The following ARHGAP42 variants were observed in gnomAD, a reference collection of about 807,000 sequenced individuals.
ARHGAP42 encodes the protein Rho GTPase activating protein 42, also known as rho GTPase-activating protein 42.
In ARHGAP42, 63 loss-of-function variants were observed where a neutral mutation model predicts 125.0. That is an observed-to-expected ratio of 0.50 (90% CI 0.41 to 0.62). The LOEUF (loss-of-function observed/expected upper bound fraction) is 0.62, where lower values mean the gene tolerates loss of function less well. Ranked by LOEUF, ARHGAP42 falls within the 20% of genes least tolerant of loss-of-function variation. ARHGAP42 has a pLI of 0.00. For synonymous variants in ARHGAP42, 339 were observed against 351.0 expected (o/e 0.97, Z 0.38); for missense variants, 766 against 1,024.2 (o/e 0.75, Z 3.44).
rs1036598816 is a variant in ARHGAP42 at position 100,944,540 on chromosome 11, A to G, written c.1043+672A>G. ...TACCCTTTGTATATGATGACTTTCT[A>G]TATATGCTCATAAACTACAGCCTAT... On this transcript the variant is annotated intron_variant, in intron 10 of 23. Coordinates refer to ENST00000298815, the MANE Select transcript of ARHGAP42 (RefSeq NM_152432.4). Among the ~76,000 whole-genome samples the G allele has an allele frequency of 3.3e-5, 5 of 152,026 alleles. No individual in the cohort carries two copies. In the East Asian group the frequency reaches 9.7e-4, roughly 29 times the overall value.
At chr11:100,862,772 G>A (rs542635398) in intron 4 of ARHGAP42, among the ~76,000 whole-genome samples, 114 of 152,038 alleles carry the variant, frequency 7.5e-4, no homozygotes, top group Non-Finnish European at 1.0e-3. Context: ...GGCTCATGCC[G>A]GTAATCCTAG....
chr11:100,853,795 T>C (rs760510793), intron 3 of ARHGAP42, among the ~76,000 whole-genome samples: 2 of 152,094 alleles, frequency 1.3e-5, no homozygotes, highest in Non-Finnish European at 2.9e-5. Flanking sequence ...TAGAGAGGAT[T>C]GCTTGCCATT....
At chr11:100,784,051 C>G (rs146344017) in intron 2 of ARHGAP42, among the ~76,000 whole-genome samples, 295 of 152,198 alleles carry the variant, frequency 1.9e-3, no homozygotes, top group African/African-American at 6.8e-3. Context: ...GAAGGGATTT[C>G]CAGCTGGGGA....
intron 1 of ARHGAP42, among the ~76,000 whole-genome samples, chr11:100,714,367 C>G (rs1487337450): frequency 1.3e-5 from 2 of 149,626 alleles, no homozygotes; most frequent in Admixed American, 1.3e-4. Context: ...TTTAGGTTCA[C>G]TTACATGTAA....
chr11:100,744,729 A>C (rs1268932830), intron 1 of ARHGAP42, among the ~76,000 whole-genome samples: 1 of 152,136 alleles, frequency 6.6e-6, no homozygotes, highest in East Asian at 1.9e-4. Context: ...TGGCTTTCTC[A>C]GATACTGGTT....
In ARHGAP42 at chr11:100,948,526, G is replaced by A. The variant is rs374257795; in HGVS notation, c.1113G>A (p.Gly371=). The A allele has an allele frequency of 9.4e-5, 146 of 1,549,582 alleles. No individual in the cohort carries two copies. The African/African-American group carries it at 1.6e-3, about 17-fold the overall frequency. ...NRKLWLEAMD[G]KEPIYTLPAI... Reference sequence around the variant, plus strand: ...AACTCTGGCTTGAAGCCATGGATGGGAAGGAACCGGTAAGACTATGACACA... The same window carrying A: ...AACTCTGGCTTGAAGCCATGGATGGAAAGGAACCGGTAAGACTATGACACA... Residue 371 remains glycine (G), a synonymous_variant, in exon 11 of 24, where the codon GGG becomes GGA. Transcript: ENST00000298815.
At chr11:100,957,596 C>G (rs1208018319) in intron 12 of ARHGAP42, among the ~76,000 whole-genome samples, 1 of 152,040 alleles carries the variant, frequency 6.6e-6, no homozygotes, top group African/African-American at 2.4e-5. Context: ...TCAAAGGAAA[C>G]AAAAATTCAT....
chr11:100,979,338 T>C (rs1858473601), intron 22 of ARHGAP42, among the ~76,000 whole-genome samples: 1 of 152,218 alleles, frequency 6.6e-6, no homozygotes, highest in African/African-American at 2.4e-5. Flanking sequence ...ATGACAGTCA[T>C]TTTGGGACCA....
intron 2 of ARHGAP42, among the ~76,000 whole-genome samples, chr11:100,788,069 ATACT>A (rs1396666469): frequency 4.6e-5 from 7 of 152,150 alleles, no homozygotes; most frequent in Admixed American, 6.5e-5. Context: ...TTATTTCCTA[ATACT>A]TAATTAGGAA....
intron 3 of ARHGAP42, among the ~76,000 whole-genome samples, chr11:100,837,668 T>TA (rs753507239): frequency 0.25 from 18,544 of 73,186 alleles, 1,658 homozygotes; most frequent in Middle Eastern, 0.35. Context: ...GTGTCATCCT[T>TA]TTTTTTTTTT....
chr11:100,913,584 G>C (rs529191593), intron 5 of ARHGAP42, 31 bp downstream of exon 5: 1 of 1,183,206 alleles, frequency 8.5e-7, no homozygotes, highest in African/African-American at 1.6e-5. Context: ...TAATGGAAAA[G>C]GCATTAAGTC....
chr11:100,742,132 C>G (rs1162359673), intron 1 of ARHGAP42, among the ~76,000 whole-genome samples: 1 of 152,178 alleles, frequency 6.6e-6, no homozygotes, highest in Non-Finnish European at 1.5e-5. Flanking sequence ...ATACTGCCAT[C>G]ATTCTGATCC....
At chr11:100,901,512 C>G (rs943587810) in intron 4 of ARHGAP42, among the ~76,000 whole-genome samples, 1 of 152,200 alleles carries the variant, frequency 6.6e-6, no homozygotes, top group Admixed American at 6.5e-5. Context: ...TATGCCCTGC[C>G]CATAGATGTG....
rs1048256542 is a variant in ARHGAP42, at chr11:100,687,290, A to T, written c.-389A>T. Among the ~76,000 whole-genome samples, 1 of 152,046 alleles carries T rather than the reference A, an allele frequency of 6.6e-6. No individual in the cohort carries two copies. Among genetic ancestry groups the T allele is most frequent in the Non-Finnish European group, 1.5e-5 (1 of 67,964 alleles). On this transcript the variant is annotated 5_prime_UTR_variant, in exon 1 of 24. Transcript: ENST00000298815. Reference sequence around the variant, plus strand: ...CGGCTGTGCGCTGCTTCTGGCTCACAACGCCGACGACTGTCAAGAGAGTTG... The same window carrying T: ...CGGCTGTGCGCTGCTTCTGGCTCACTACGCCGACGACTGTCAAGAGAGTTG...
At chr11:100,962,812 G>A (rs551697031) in intron 16 of ARHGAP42, among the ~76,000 whole-genome samples, 2 of 152,084 alleles carry the variant, frequency 1.3e-5, no homozygotes, top group Admixed American at 1.3e-4. Flanking sequence ...GGAGGCGGAG[G>A]TTATGGTGAG....
At chr11:100,875,863 G>T (rs148169136) in intron 4 of ARHGAP42, among the ~76,000 whole-genome samples, 391 of 152,230 alleles carry the variant, frequency 2.6e-3, no homozygotes, top group African/African-American at 8.5e-3. Flanking sequence ...GTAGAATTCA[G>T]ATTTCAGTGT....
intron 1 of ARHGAP42, among the ~76,000 whole-genome samples, chr11:100,731,773 C>T (rs1398818112): frequency 6.6e-6 from 1 of 152,034 alleles, no homozygotes; most frequent in Admixed American, 6.6e-5. Context: ...CTATGCAATC[C>T]CTGCTTCCAG....
chr11:100,972,141 T>C (rs1246077712), intron 17 of ARHGAP42, among the ~76,000 whole-genome samples: 1 of 152,194 alleles, frequency 6.6e-6, no homozygotes. Flanking sequence ...GCATGGATAG[T>C]CTAAAATCCT....
intron 16 of ARHGAP42, 57 bp downstream of exon 16, chr11:100,962,524 C>T: frequency 7.2e-7 from 1 of 1,393,856 alleles, no homozygotes; most frequent in South Asian, 1.3e-5. Context: ...TGCTGCCATA[C>T]TTAGGCATAT....
Sources: allele counts gnomAD v4.1 joint callset (sites outside exome capture counted in the v4.1 genomes callset), GRCh38; gene constraint gnomAD v4.1.1; transcripts MANE v1.5; gene names NCBI Gene and HGNC (gene_info 2026-07-23, HGNC 2026-07-21).